TAFA5: variants seen among roughly 807,000 people sequenced by gnomAD.
TAFA5 encodes the protein chemokine-like protein TAFA-5.
Under a neutral mutation model 15.3 loss-of-function variants are expected in TAFA5, and 6 were observed. The observed-to-expected ratio is 0.39, with a 90% CI of 0.21 to 0.77. The LOEUF is 0.77. Among genes scored for constraint, TAFA5 ranks in the 30% least tolerant of loss-of-function variants. The pLI, the probability that TAFA5 is intolerant of heterozygous loss-of-function variation, is 0.41. For missense variants in TAFA5, 161 were observed against 193.1 expected (o/e 0.83, Z 0.98); for synonymous variants, 103 against 80.7 (o/e 1.28, Z -1.48).
At chr22:48,711,587 G>T (rs190584030) in intron 3 of TAFA5, among the ~76,000 whole-genome samples, 38 of 152,282 alleles carry the variant, frequency 2.5e-4, no homozygotes, top group African/African-American at 8.7e-4. Flanking sequence ...CCAGTTGTGC[G>T]ATTGCATCTG....
rs1928133419 is a variant in TAFA5, at chr22:48,490,996, G to A, written c.112+1292G>A. 6.6e-6 allele frequency among the ~76,000 whole-genome samples: 1 copy of A among 152,164 alleles called. No individual in the cohort carries two copies. Among genetic ancestry groups the A allele is most frequent in the South Asian group, 2.1e-4 (1 of 4,834 alleles). On this transcript the variant is annotated intron_variant, in intron 1 of 3. Coordinates refer to ENST00000402357, the MANE Select transcript of TAFA5 (RefSeq NM_001082967.3). This position sits in a 1 kb window ranked among gnomAD's most constrained non-coding sequence, Gnocchi z 5.8. ...TCGCAAGGGAAACCCGGGGACCAGA[G>A]CAGGAATTTTCCTACTTGCTTCAGC...
At chr22:48,657,109 C>T (rs781010182) in intron 2 of TAFA5, among the ~76,000 whole-genome samples, 1 of 152,166 alleles carries the variant, frequency 6.6e-6, no homozygotes, top group East Asian at 1.9e-4. Context: ...ATTGACAAAT[C>T]TCTAGCTAGG....
chr22:48,590,544 T>A (rs1924529991), intron 1 of TAFA5, among the ~76,000 whole-genome samples: 1 of 152,164 alleles, frequency 6.6e-6, no homozygotes, highest in Non-Finnish European at 1.5e-5. Flanking sequence ...TTGTGGCTTC[T>A]CGAGCATCTC....
chr22:48,740,415 G>C (rs186476066), intron 3 of TAFA5, among the ~76,000 whole-genome samples: 1 of 152,342 alleles, frequency 6.6e-6, no homozygotes, highest in African/African-American at 2.4e-5. Context: ...ATAAGACACA[G>C]CAATAGCCTT....
intron 2 of TAFA5, among the ~76,000 whole-genome samples, chr22:48,673,272 A>G (rs1162614906): frequency 1.3e-5 from 2 of 150,006 alleles, no homozygotes; most frequent in Non-Finnish European, 3.0e-5. Flanking sequence ...GGATCTCTGC[A>G]GATGTTTTTT....
chr22:48,602,864 C>T (rs1036114210), intron 1 of TAFA5, among the ~76,000 whole-genome samples: 2 of 152,192 alleles, frequency 1.3e-5, no homozygotes, highest in Non-Finnish European at 2.9e-5. Flanking sequence ...ATTGGTGTCA[C>T]ATGGGGCCAT....
intron 1 of TAFA5, among the ~76,000 whole-genome samples, chr22:48,579,505 G>A (rs1395026217): frequency 6.6e-6 from 1 of 152,244 alleles, no homozygotes; most frequent in African/African-American, 2.4e-5. Context: ...TGATGGAAGA[G>A]CCGGCCGCTT....
At chr22:48,681,511 C>CG (rs1246929203) in intron 2 of TAFA5, among the ~76,000 whole-genome samples, 107 of 141,818 alleles carry the variant, frequency 7.5e-4, no homozygotes, top group African/African-American at 2.5e-3. Context: ...AAAAATTAGG[C>CG]GTGGGGGTAG....
At chr22:48,636,554 C>T (rs1453906223) in intron 1 of TAFA5, among the ~76,000 whole-genome samples, 2 of 150,992 alleles carry the variant, frequency 1.3e-5, no homozygotes, top group Non-Finnish European at 1.5e-5. Context: ...TGGGTCGCTC[C>T]GAGTGGAGGT....
chr22:48,699,993 T>A (rs130123), intron 2 of TAFA5, among the ~76,000 whole-genome samples: 1 of 151,800 alleles, frequency 6.6e-6, no homozygotes, highest in Non-Finnish European at 1.5e-5. Flanking sequence ...TGGATGGGCC[T>A]TTGCTGGATG....
chr22:48,627,687 A>G (rs1375729996), intron 1 of TAFA5, among the ~76,000 whole-genome samples: 1 of 152,174 alleles, frequency 6.6e-6, no homozygotes, highest in African/African-American at 2.4e-5. Flanking sequence ...ATCCAAAATG[A>G]GACACTCACA....
intron 3 of TAFA5, among the ~76,000 whole-genome samples, chr22:48,728,311 T>C (rs1314190059): frequency 6.6e-6 from 1 of 152,200 alleles, no homozygotes; most frequent in Non-Finnish European, 1.5e-5. Context: ...TTATAATTTA[T>C]TGATTGAAAG....
intron 1 of TAFA5, among the ~76,000 whole-genome samples, chr22:48,531,185 G>A (rs907366711): frequency 6.6e-6 from 1 of 152,134 alleles, no homozygotes; most frequent in African/African-American, 2.4e-5. Context: ...GAGCTGAGCG[G>A]CCCCTGGCCA....
At chr22:48,682,637 C>T (rs753103350) in intron 2 of TAFA5, among the ~76,000 whole-genome samples, 1 of 152,172 alleles carries the variant, frequency 6.6e-6, no homozygotes, top group Admixed American at 6.5e-5. Context: ...AAAACCCTGA[C>T]AGCATTTGCA....
chr22:48,576,634 C>T, intron 1 of TAFA5: 1 of 1,293,372 alleles, frequency 7.7e-7, no homozygotes, highest in African/African-American at 1.5e-5. Context: ...GCGGCTCCGG[C>T]GCCCGACCCG....
chr22:48,704,642 G>A (rs1411050879), intron 2 of TAFA5, among the ~76,000 whole-genome samples: 1 of 151,886 alleles, frequency 6.6e-6, no homozygotes, highest in East Asian at 1.9e-4. Context: ...ATCCCCACGT[G>A]CCATGTTAGT....
intron 1 of TAFA5, among the ~76,000 whole-genome samples, 190 bp from the exon 2 acceptor site, chr22:48,646,407 T>C (rs534986884): frequency 5.3e-5 from 8 of 152,292 alleles, no homozygotes; most frequent in African/African-American, 1.9e-4. Flanking sequence ...TTGACCCAGC[T>C]CTGGCTTCCA....
intron 1 of TAFA5, among the ~76,000 whole-genome samples, chr22:48,625,498 A>T (rs963505664): frequency 6.6e-6 from 1 of 152,334 alleles, no homozygotes; most frequent in Admixed American, 6.5e-5. Context: ...AGTCTGTCCT[A>T]CGGGAAGCAC....
chr22:48,730,340 C>G (rs541577693), intron 3 of TAFA5, among the ~76,000 whole-genome samples: 6 of 151,976 alleles, frequency 3.9e-5, no homozygotes, highest in Admixed American at 2.6e-4. Flanking sequence ...GAGCCGAGAT[C>G]ACGCCACTGC....
Sources: gnomAD v4.1 joint callset for allele counts (sites outside exome capture counted in the v4.1 genomes callset) on GRCh38, gnomAD v4.1.1 for gene constraint, Gnocchi (gnomAD v3.1) non-coding constraint, MANE v1.5 for transcripts, NCBI Gene and HGNC (gene_info 2026-07-23, HGNC 2026-07-21) for gene names.